MBOAT2: variants seen among roughly 807,000 people sequenced by gnomAD.
MBOAT2 encodes membrane-bound glycerophospholipid O-acyltransferase 2.
A neutral mutation model predicts 63.4 loss-of-function variants in MBOAT2; 28 were observed. The ratio of observed to expected loss-of-function variants is 0.44; its 90% CI spans 0.33 to 0.61. The LOEUF (loss-of-function observed/expected upper bound fraction) is 0.61, where lower values mean the gene tolerates loss of function less well. Among genes scored for constraint, MBOAT2 ranks in the 20% least tolerant of loss-of-function variants. The pLI, the probability that MBOAT2 is intolerant of heterozygous loss-of-function variation, is 0.03. For synonymous variants in MBOAT2, 211 were observed against 215.6 expected, an observed-to-expected ratio of 0.98 and a Z score of 0.19; for missense variants, 470 against 605.8, an observed-to-expected ratio of 0.78 and a Z score of 2.35.
At chr2:8,942,234 T>C (rs887539286) in intron 3 of MBOAT2, among the ~76,000 whole-genome samples, 14 of 152,020 alleles carry the variant, frequency 9.2e-5, no homozygotes, top group African/African-American at 3.4e-4. Flanking sequence ...AAATGCAAAA[T>C]AGAATGAGAC....
Position 8,873,505 on chromosome 2 carries a change from A to G in MBOAT2, c.691-205T>C, listed in dbSNP as rs150254163. ...TTTTCCAACTGTATCTATAAGTACTACCTAGGGGTTATTGCTCAACTCATA... is the reference window on the plus strand; with the variant it reads ...TTTTCCAACTGTATCTATAAGTACTGCCTAGGGGTTATTGCTCAACTCATA... On this transcript the variant is annotated intron_variant, in intron 7 of 12. Coordinates refer to ENST00000305997, the MANE Select transcript of MBOAT2 (RefSeq NM_138799.4). 3.6e-3 allele frequency among the ~76,000 whole-genome samples: 544 copies of G among 152,270 alleles called. 9 individuals are homozygous for G. The highest frequency in any genetic ancestry group is 0.019 in the South Asian group (94 of 4,828).
intron 1 of MBOAT2, among the ~76,000 whole-genome samples, chr2:8,964,711 C>T (rs1159970449): frequency 6.6e-6 from 1 of 152,218 alleles, no homozygotes; most frequent in Non-Finnish European, 1.5e-5. Context: ...TATTTATCAG[C>T]AATGTGAGTT....
At chr2:8,992,842 A>G (rs1419194765) in intron 1 of MBOAT2, among the ~76,000 whole-genome samples, 1 of 152,224 alleles carries the variant, frequency 6.6e-6, no homozygotes, top group African/African-American at 2.4e-5. Context: ...CGCCTGGCTC[A>G]GCAGAGCTTT....
chr2:8,996,204 GC>G (rs1672291054), intron 1 of MBOAT2, among the ~76,000 whole-genome samples: 1 of 152,174 alleles, frequency 6.6e-6, no homozygotes, highest in Non-Finnish European at 1.5e-5. Context: ...CTCAACATTT[GC>G]CACTGGATTT....
chr2:8,897,261 G>GA (rs1473786513), intron 4 of MBOAT2, among the ~76,000 whole-genome samples: 2 of 150,812 alleles, frequency 1.3e-5, no homozygotes, highest in African/African-American at 4.9e-5. Context: ...CTCTTTCTCT[G>GA]ACTTTCTGTC....
chr2:8,967,684 C>G (rs942288936), intron 1 of MBOAT2, among the ~76,000 whole-genome samples: 7 of 152,166 alleles, frequency 4.6e-5, no homozygotes, highest in South Asian at 2.1e-4. Flanking sequence ...GAATGATGAA[C>G]AGACGAACAG....
chr2:8,911,839 C>G (rs1030856329), intron 3 of MBOAT2, among the ~76,000 whole-genome samples: 103 of 152,206 alleles, frequency 6.8e-4, no homozygotes, highest in African/African-American at 2.2e-3. Flanking sequence ...AACCTTTTCT[C>G]TATAAATTAC....
intron 1 of MBOAT2, among the ~76,000 whole-genome samples, chr2:8,972,052 A>G (rs1238496429): frequency 6.6e-6 from 1 of 152,228 alleles, no homozygotes; most frequent in Non-Finnish European, 1.5e-5. Flanking sequence ...AAGAGCCCAC[A>G]TAGCCAAGAC....
intron 3 of MBOAT2, among the ~76,000 whole-genome samples, chr2:8,915,966 C>G (rs1419741497): frequency 1.6e-4 from 24 of 152,156 alleles, no homozygotes; most frequent in Admixed American, 1.6e-3. Context: ...CTCCTTGCAA[C>G]TGACTGGTTT....
chr2:8,938,705 G>A (rs1667840913), intron 3 of MBOAT2, among the ~76,000 whole-genome samples: 3 of 145,594 alleles, frequency 2.1e-5, no homozygotes, highest in African/African-American at 7.8e-5. Context: ...ATGCTGTCAC[G>A]TTTCATGCTG....
At chr2:8,912,651 G>A (rs115333549) in intron 3 of MBOAT2, among the ~76,000 whole-genome samples, 4,076 of 152,116 alleles carry the variant, frequency 0.027, 144 homozygotes, top group African/African-American at 0.085. Context: ...TCAAAAGACC[G>A]CTACAAGGAA....
At chr2:8,896,156 G>A (rs879357322) in intron 4 of MBOAT2, among the ~76,000 whole-genome samples, 10 of 150,928 alleles carry the variant, frequency 6.6e-5, no homozygotes, top group South Asian at 2.1e-4. Flanking sequence ...GAAGAATGGC[G>A]TGAACCCGGG....
In MBOAT2 at chr2:8,855,779, A is replaced by AT. The variant is rs1248469282; in HGVS notation, c.*2899dup. On this transcript the variant is annotated 3_prime_UTR_variant, in exon 13 of 13. Coordinates refer to ENST00000305997, the MANE Select transcript of MBOAT2 (RefSeq NM_138799.4). Reference sequence around the variant, plus strand: ...GAAGGATGAGTAGTTATTTTTGTTCATTTTTTCCCTGAGTAGTATATAATT... The same window carrying AT: ...GAAGGATGAGTAGTTATTTTTGTTCATTTTTTTCCCTGAGTAGTATATAATT... 6 of 152,138 alleles carry AT rather than the reference A, an allele frequency of 3.9e-5. No homozygotes were observed. Among genetic ancestry groups the AT allele is most frequent in the Admixed American group, 1.3e-4 (2 of 15,270 alleles). 9.4% of individuals were successfully genotyped at this position (152,138 alleles called of 1,614,324 possible).
At chr2:8,868,985 T>C (rs1295550210) in intron 8 of MBOAT2, among the ~76,000 whole-genome samples, 2 of 152,164 alleles carry the variant, frequency 1.3e-5, no homozygotes, top group African/African-American at 2.4e-5. Flanking sequence ...AAGTGAGGCA[T>C]AATATTTTCC....
intron 7 of MBOAT2, among the ~76,000 whole-genome samples, chr2:8,876,777 C>G (rs1229607763): frequency 6.6e-6 from 1 of 152,150 alleles, no homozygotes; most frequent in African/African-American, 2.4e-5. Context: ...ATGCTAAGAG[C>G]TTTCTTGTAA....
intron 1 of MBOAT2, among the ~76,000 whole-genome samples, chr2:8,977,249 T>C (rs981875343): frequency 2.6e-5 from 4 of 152,164 alleles, no homozygotes; most frequent in Non-Finnish European, 2.9e-5. Flanking sequence ...TAAGTTCACA[T>C]TGACCACCAC....
Position 8,854,658 on chromosome 2 carries a change from A to T in MBOAT2, c.*4021T>A, listed in dbSNP as rs1313310606. ...GAACAGTTGATAAGGAAACAAAAAA[A>T]GTATAAATGTCCAGATTTGTTCATG... On this transcript the variant is annotated 3_prime_UTR_variant, in exon 13 of 13. Transcript: ENST00000305997. 6.6e-6 allele frequency: 1 copy of T among 152,258 alleles called. No individual in the cohort carries two copies. Among genetic ancestry groups the T allele is most frequent in the Admixed American group, 6.5e-5 (1 of 15,292 alleles). The allele number at this position is 152,258 out of a possible 1,614,324, so 9.4% of individuals were successfully genotyped here. A position where few individuals can be genotyped will look rare whatever the true frequency, so the allele number is the denominator to read the frequency against.
chr2:8,897,642 A>C (rs1473922884), intron 4 of MBOAT2, among the ~76,000 whole-genome samples: 1 of 144,458 alleles, frequency 6.9e-6, no homozygotes, highest in Admixed American at 6.7e-5. Context: ...TACATCACTA[A>C]CTATGGCATA....
At chr2:8,900,379 A>G (rs1054833611) in intron 4 of MBOAT2, among the ~76,000 whole-genome samples, 1 of 152,234 alleles carries the variant, frequency 6.6e-6, no homozygotes, top group African/African-American at 2.4e-5. Context: ...ATAGCATGAC[A>G]TCTCTCCAAG....
Sources: gnomAD v4.1 joint callset for allele counts (sites outside exome capture counted in the v4.1 genomes callset) on GRCh38, gnomAD v4.1.1 for gene constraint, MANE v1.5 for transcripts, NCBI Gene and HGNC (gene_info 2026-07-23, HGNC 2026-07-21) for gene names.